The following RTL4 variants were observed in gnomAD, a reference collection of about 807,000 sequenced individuals.
The protein encoded by RTL4 is retrotransposon Gag like 4.
Under a neutral mutation model 5.3 loss-of-function variants are expected in RTL4, and 4 were observed. That is an observed-to-expected ratio of 0.75 (90% CI 0.37 to 1.72). The LOEUF (loss-of-function observed/expected upper bound fraction) is 1.72. RTL4 is among the 40% of genes most tolerant of loss of function. RTL4 has a pLI of 0.04. For missense variants in RTL4, 260 were observed against 227.1 expected, an observed-to-expected ratio of 1.14 and a Z score of -0.93; for synonymous variants, 98 against 87.3, an observed-to-expected ratio of 1.12 and a Z score of -0.68.
the RTL4 span, among the ~76,000 whole-genome samples, chrX:112,402,812 G>A: frequency 1.8e-5 from 2 of 111,093 alleles, no homozygotes; most frequent in Non-Finnish European, 3.8e-5. Flanking sequence ...CCTCTAGGAT[G>A]AGCAATCAGG....
chrX:112,323,486 A>T, the RTL4 span, among the ~76,000 whole-genome samples: 2 of 109,332 alleles, frequency 1.8e-5, no homozygotes, highest in Non-Finnish European at 3.8e-5. Flanking sequence ...TATTTTATTT[A>T]TTTTATATTT....
the RTL4 span, among the ~76,000 whole-genome samples, chrX:112,236,635 C>T: frequency 9.5e-6 from 1 of 105,664 alleles, no homozygotes; most frequent in African/African-American, 3.4e-5. Flanking sequence ...AATGTCCAGG[C>T]TCAAATCAGG....
chrX:112,453,393 T>C (rs775576791), upstream of RTL4, among the ~76,000 whole-genome samples: 1 of 112,372 alleles, frequency 8.9e-6, no homozygotes, highest in South Asian at 3.7e-4. Flanking sequence ...TAACTTTTAC[T>C]GGTTGCTTTA....
chrX:112,372,176 G>T, the RTL4 span, among the ~76,000 whole-genome samples: 1 of 111,220 alleles, frequency 9.0e-6, no homozygotes, highest in East Asian at 2.8e-4. Flanking sequence ...ACTTCTAACA[G>T]CATAGATTTG....
At chrX:112,163,844 G>C in the RTL4 span, among the ~76,000 whole-genome samples, 1 of 111,675 alleles carries the variant, frequency 9.0e-6, no homozygotes, top group African/African-American at 3.3e-5. Context: ...GAAAACAGGA[G>C]AGTGGGGTGG....
chrX:112,378,419 G>A, the RTL4 span, among the ~76,000 whole-genome samples: 4 of 111,301 alleles, frequency 3.6e-5, no homozygotes, highest in African/African-American at 1.3e-4. Flanking sequence ...ATATCTTCAG[G>A]TAGTACACTT....
At chrX:112,183,118 T>G in the RTL4 span, among the ~76,000 whole-genome samples, 6 of 112,222 alleles carry the variant, frequency 5.3e-5, no homozygotes. Flanking sequence ...AATGCTGAGA[T>G]ATTTTGTCAC....
the RTL4 span, among the ~76,000 whole-genome samples, chrX:112,109,473 A>T: frequency 9.0e-6 from 1 of 111,049 alleles, no homozygotes; most frequent in Non-Finnish European, 1.9e-5. Flanking sequence ...GTCCCCACCC[A>T]CCTCCTGCTG....
chrX:112,453,951 T>C (rs1180556706), upstream of RTL4, among the ~76,000 whole-genome samples: 2 of 111,545 alleles, frequency 1.8e-5, no homozygotes, highest in East Asian at 5.7e-4. Context: ...ACAACCCTGA[T>C]GAGCATGCCA....
the RTL4 span, among the ~76,000 whole-genome samples, chrX:112,352,140 T>A: frequency 3.6e-5 from 4 of 110,918 alleles, no homozygotes; most frequent in African/African-American, 9.8e-5. Flanking sequence ...TTAGTTTGCC[T>A]GGATATGAAA....
At chrX:112,215,850 G>T in the RTL4 span, among the ~76,000 whole-genome samples, 1 of 111,549 alleles carries the variant, frequency 9.0e-6, no homozygotes, top group Admixed American at 9.6e-5. Flanking sequence ...TCTAAGCTTA[G>T]TTTTTTTAAG....
the RTL4 span, among the ~76,000 whole-genome samples, chrX:112,128,420 T>C: frequency 1.5e-4 from 17 of 111,213 alleles, no homozygotes; most frequent in African/African-American, 5.5e-4. Flanking sequence ...TCCTGGCACT[T>C]TGGGAGGCCG....
At chrX:112,281,402 G>A in the RTL4 span, among the ~76,000 whole-genome samples, 4 of 111,955 alleles carry the variant, frequency 3.6e-5, no homozygotes, top group Non-Finnish European at 7.5e-5. Context: ...GATGAACACA[G>A]GTTGATTCCG....
At chrX:112,305,836 G>A in the RTL4 span, among the ~76,000 whole-genome samples, 2 of 111,946 alleles carry the variant, frequency 1.8e-5, no homozygotes, top group African/African-American at 3.2e-5. Context: ...CCTTCTTTGC[G>A]AAGCTGCACT....
chrX:112,268,521 A>C, the RTL4 span, among the ~76,000 whole-genome samples: 1 of 111,933 alleles, frequency 8.9e-6, no homozygotes. Flanking sequence ...CAAACTTCAG[A>C]TCCACATTTC....
chrX:112,191,825 T>C, the RTL4 span, among the ~76,000 whole-genome samples: 1 of 111,782 alleles, frequency 8.9e-6, no homozygotes, highest in South Asian at 3.7e-4. Flanking sequence ...AATCTGTAGA[T>C]CAGTTTGAGA....
chrX:112,295,592 G>A, the RTL4 span, among the ~76,000 whole-genome samples: 27,651 of 111,515 alleles, frequency 0.25, 2,799 homozygotes, highest in African/African-American at 0.35. Context: ...GGGCCATCCC[G>A]CTTCTACTTA....
the RTL4 span, among the ~76,000 whole-genome samples, chrX:112,112,510 T>C: frequency 8.9e-6 from 1 of 112,094 alleles, no homozygotes; most frequent in African/African-American, 3.2e-5. Context: ...ATTCATTCCT[T>C]GTTGAGGGCC....
chrX:112,326,872 G>T, the RTL4 span, among the ~76,000 whole-genome samples: 1 of 111,544 alleles, frequency 9.0e-6, no homozygotes, highest in African/African-American at 3.3e-5. Context: ...AGCCTAACTG[G>T]GAGGCACCCC....
Sources: gnomAD v4.1 joint callset for allele counts (sites outside exome capture counted in the v4.1 genomes callset) on GRCh38, gnomAD v4.1.1 for gene constraint, MANE v1.5 for transcripts, NCBI Gene and HGNC (gene_info 2026-07-23, HGNC 2026-07-21) for gene names.